ZNF492: variants seen among roughly 807,000 people sequenced by gnomAD.
ZNF492 encodes zinc finger protein 115 (Y20).
Under a neutral mutation model 6.4 loss-of-function variants are expected in ZNF492, and 3 were observed. The observed-to-expected ratio is 0.47, with a 90% CI of 0.21 to 1.22. ZNF492 has a LOEUF of 1.22. ZNF492 is among the 50% of genes most tolerant of loss of function. ZNF492 has a pLI of 0.22. For missense variants in ZNF492, 356 were observed against 612.5 expected (o/e 0.58, Z 4.42); for synonymous variants, 112 against 205.3 (o/e 0.55, Z 3.89).
At chr19:22,650,886 C>G (rs1971932690) in intron 1 of ZNF492, among the ~76,000 whole-genome samples, 2 of 152,076 alleles carry the variant, frequency 1.3e-5, no homozygotes, top group Admixed American at 6.5e-5. Flanking sequence ...TGCCCCTCCC[C>G]CAGGGAGCTC....
intron 3 of ZNF492, among the ~76,000 whole-genome samples, chr19:22,654,640 C>T (rs1394558972): frequency 2.1e-5 from 3 of 146,296 alleles, no homozygotes; most frequent in Non-Finnish European, 4.5e-5. Flanking sequence ...CTCGCTCTGT[C>T]ACCCAGGCTG....
rs1212854251 is a variant in ZNF492, at chr19:22,665,922, A to AG, written c.*657_*658insG. 6.6e-6 allele frequency: 1 copy of AG among 152,208 alleles called. No individual in the cohort carries two copies. The highest frequency in any genetic ancestry group is 1.5e-5 in the Non-Finnish European group (1 of 68,040). 9.4% of individuals were successfully genotyped at this position (152,208 alleles called of 1,614,324 possible). ...AATGACACTTCAGACTTTACACTGA[A>AG]TCAGAGTTCTGAGTTTAGAAAGTAA... On this transcript the variant is annotated 3_prime_UTR_variant, in exon 4 of 4. Transcript: ENST00000456783.
intron 1 of ZNF492, among the ~76,000 whole-genome samples, chr19:22,635,162 C>G (rs1178259496): frequency 1.3e-5 from 2 of 149,212 alleles, no homozygotes; most frequent in Admixed American, 1.3e-4. Context: ...GTAGTAATTT[C>G]TAAAAAAAAA....
In ZNF492 at chr19:22,664,930, T is replaced by C; in HGVS notation, c.1261T>C (p.Tyr421His). 6.2e-7 allele frequency: 1 copy of C among 1,610,728 alleles called. No individual in the cohort carries two copies. Among genetic ancestry groups the C allele is most frequent in the Non-Finnish European group, 8.5e-7 (1 of 1,178,182 alleles). ...HKIIHTGEKP[Y>H]KCEECGKAFN... is the part of the protein sequence containing the mutation. ...GATAATTCATACTGGAGAGAAACCC[T>C]ACAAATGTGAAGAATGTGGCAAAGC... Residue 421 changes from tyrosine to histidine, a missense_variant, in exon 4 of 4, where the codon TAC becomes CAC. Tyr to His is a moderately conservative substitution (Grantham distance 83). Transcript: ENST00000456783.
chr19:22,645,396 G>A (rs1971868193), intron 1 of ZNF492, among the ~76,000 whole-genome samples: 1 of 152,074 alleles, frequency 6.6e-6, no homozygotes, highest in South Asian at 2.1e-4. Flanking sequence ...ATTTTTAAAA[G>A]TTTCTTGTAA....
intron 1 of ZNF492, among the ~76,000 whole-genome samples, chr19:22,646,300 T>G (rs984803825): frequency 6.6e-6 from 1 of 152,194 alleles, no homozygotes; most frequent in South Asian, 2.1e-4. Context: ...AGTTTATTTA[T>G]GATTTGGCTC....
At chr19:22,638,159 G>GT (rs539680765) in intron 1 of ZNF492, among the ~76,000 whole-genome samples, 58 of 152,052 alleles carry the variant, frequency 3.8e-4, no homozygotes, top group Middle Eastern at 3.4e-3. Context: ...TATTCTGTGT[G>GT]TTTTTTGTTT....
intron 1 of ZNF492, among the ~76,000 whole-genome samples, chr19:22,652,256 T>C (rs1971948089): frequency 9.2e-6 from 1 of 108,824 alleles, no homozygotes; most frequent in Non-Finnish European, 1.7e-5. Context: ...AGTCTCGCTC[T>C]GTCGCCCAGG....
chr19:22,662,779 T>C (rs1972071845), intron 3 of ZNF492, among the ~76,000 whole-genome samples: 2 of 151,240 alleles, frequency 1.3e-5, no homozygotes, highest in African/African-American at 2.4e-5. Flanking sequence ...TTTGATGGGG[T>C]TGTTAGTTTT....
chr19:22,636,514 C>CTGTGTGTGTGTGTGTGTGTG (rs141601969), intron 1 of ZNF492, among the ~76,000 whole-genome samples: 197 of 147,290 alleles, frequency 1.3e-3, no homozygotes, highest in Middle Eastern at 3.5e-3. Context: ...ACATGATCTT[C>CTGTGTGTGTGTGTGTGTGTG]TGTGTGTGTG....
rs192078180 is a variant in ZNF492, at chr19:22,665,534, G to T, written c.*269G>T. 8 of 555,502 alleles carry T rather than the reference G, an allele frequency of 1.4e-5. No homozygotes were observed. In the African/African-American group the frequency reaches 1.6e-4, roughly 11 times the overall value. The allele number at this position is 555,502 out of a possible 1,614,324, so 34.4% of individuals were successfully genotyped here. A position where few individuals can be genotyped will look rare whatever the true frequency, so the allele number is the denominator to read the frequency against. ...ATTAAAAGTGCAATTACTGTCAAAAGAGTTCAAAAAATAAGCATTTAAAGT... is the reference window on the plus strand; with the variant it reads ...ATTAAAAGTGCAATTACTGTCAAAATAGTTCAAAAAATAAGCATTTAAAGT... On this transcript the variant is annotated 3_prime_UTR_variant, in exon 4 of 4. Coordinates refer to ENST00000456783, the MANE Select transcript of ZNF492 (RefSeq NM_020855.3).
chr19:22,655,814 T>TG (rs1568355660), intron 3 of ZNF492, among the ~76,000 whole-genome samples: 10 of 100,678 alleles, frequency 9.9e-5, no homozygotes, highest in Non-Finnish European at 1.4e-4. Context: ...GTTTTTCTTG[T>TG]TGTTTTTTTT....
At chr19:22,662,275 A>C (rs55884882) in intron 3 of ZNF492, among the ~76,000 whole-genome samples, 12,333 of 152,196 alleles carry the variant, frequency 0.081, 1,625 homozygotes, top group African/African-American at 0.28. Context: ...ATCCTTTTTC[A>C]TGAATGCATA....
Position 22,664,206 on chromosome 19 carries a change from T to G in ZNF492, c.537T>G (p.Asn179Lys). ...YKCKECGKAYNETSNLSTHKR... is the reference protein window; with the variant it reads ...YKCKECGKAYKETSNLSTHKR... The stretch of plus-strand genomic sequence containing the variant: ...GTAAAGAATGTGGGAAAGCCTATAA[T>G]GAGACCTCAAACCTTTCTACACATA... Residue 179 changes from asparagine to lysine, a missense_variant, in exon 4 of 4, where the codon AAT (asparagine) becomes AAG (lysine). Physicochemically the swap from Asn to Lys is moderately conservative, Grantham distance 94. Transcript: ENST00000456783. The G allele has an allele frequency of 6.2e-7, 1 of 1,613,098 alleles. No homozygotes were observed. The highest frequency in any genetic ancestry group is 8.5e-7 in the Non-Finnish European group (1 of 1,179,502).
intron 1 of ZNF492, among the ~76,000 whole-genome samples, chr19:22,649,118 G>A (rs921307398): frequency 2.0e-5 from 3 of 152,154 alleles, no homozygotes; most frequent in Non-Finnish European, 4.4e-5. Flanking sequence ...TGCAAGCCAG[G>A]CCTGGTGGAG....
chr19:22,637,432 A>G (rs76185645), intron 1 of ZNF492, among the ~76,000 whole-genome samples: 1 of 152,100 alleles, frequency 6.6e-6, no homozygotes, highest in Non-Finnish European at 1.5e-5. Context: ...AGCTGGGACT[A>G]CAGGCACACA....
rs1220398025 is a variant in ZNF492 at position 22,666,083 on chromosome 19, T to C, written c.*818T>C. The C allele has an allele frequency of 6.6e-6, 1 of 152,160 alleles. No homozygotes were observed. The highest frequency in any genetic ancestry group is 1.5e-5 in the Non-Finnish European group (1 of 68,028). The allele number at this position is 152,160 out of a possible 1,614,324, so 9.4% of individuals were successfully genotyped here. On this transcript the variant is annotated 3_prime_UTR_variant, in exon 4 of 4. Transcript: ENST00000456783. ...TAAAAGTAAATAACTCTCAAATTAC[T>C]TCATACAAATAATGTTGTAATTAAC... is the stretch of plus-strand genomic sequence containing the variant.
rs187475217 is a variant in ZNF492, at chr19:22,665,154, T to G, written c.1485T>G (p.His495Gln). 2,428 of 1,611,306 alleles carry G rather than the reference T, an allele frequency of 1.5e-3. 37 individuals carry two copies. In the African/African-American group the frequency reaches 0.019, roughly 12 times the overall value. The stretch of plus-strand genomic sequence containing the variant: ...ACAACTCCTCTATTCTTAACAGACA[T>G]AAGATGATTCATACTGGAGAGAAAC... ...AFNNSSILNR[H>Q]KMIHTGEKLY... The change falls in exon 4 of 4, where the codon CAT (histidine) becomes CAG (glutamine). Residue 495 changes from histidine (H) to glutamine (Q), a missense_variant. His to Gln is a conservative substitution (Grantham distance 24). Around this residue, in one of 7 missense-constraint regions of ZNF492, gnomAD observed 81 missense variants for 115.4 expected, o/e 0.70. Transcript: ENST00000456783.
chr19:22,650,929 A>G (rs10425453), intron 1 of ZNF492, among the ~76,000 whole-genome samples: 63,638 of 151,946 alleles, frequency 0.42, 16,179 homozygotes, highest in African/African-American at 0.73. Context: ...CCATAGCTGT[A>G]GTGCTGGTCA....
Sources: allele counts gnomAD v4.1 joint callset (sites outside exome capture counted in the v4.1 genomes callset), GRCh38; gene constraint gnomAD v4.1.1; regional missense constraint gnomAD v4.1.1; transcripts MANE v1.5; gene names NCBI Gene and HGNC (gene_info 2026-07-23, HGNC 2026-07-21).